The following ZKSCAN1 variants were observed in gnomAD, a reference collection of about 807,000 sequenced individuals.
ZKSCAN1 encodes the protein zinc finger with KRAB and SCAN domains 1.
A neutral mutation model predicts 51.6 loss-of-function variants in ZKSCAN1; 14 were observed. The observed-to-expected ratio is 0.27, with a 90% CI of 0.18 to 0.42. ZKSCAN1 has a LOEUF of 0.42. Among genes scored for constraint, ZKSCAN1 ranks in the 10% least tolerant of loss-of-function variants. The pLI is 1.00. For synonymous variants in ZKSCAN1, 263 were observed against 261.5 expected (o/e 1.01, Z -0.06); for missense variants, 531 against 710.0 (o/e 0.75, Z 2.86).
intron 3 of ZKSCAN1, among the ~76,000 whole-genome samples, chr7:100,027,622 C>T (rs984885749): frequency 2.8e-4 from 42 of 151,314 alleles, no homozygotes; most frequent in Non-Finnish European, 2.1e-4. Context: ...GTGGCGGGTG[C>T]CTGTAGTCCC....
intron 3 of ZKSCAN1, 122 bp from the exon 4 acceptor site, chr7:100,029,739 A>T (rs1263343902): frequency 2.3e-6 from 2 of 863,110 alleles, no homozygotes; most frequent in African/African-American, 3.4e-5. Flanking sequence ...GGAATTCTGT[A>T]TTTGGGACCT....
chr7:100,037,288 AT>A lies in ZKSCAN1; in HGVS notation c.*3092del. The A allele has an allele frequency of 1.0e-6, 1 of 985,446 alleles. No homozygotes were observed. The highest frequency in any genetic ancestry group is 1.2e-6 in the Non-Finnish European group (1 of 829,930). The allele number at this position is 985,446 out of a possible 1,614,324, so 61.0% of individuals were successfully genotyped here. ...GGAAATTTTTGAAGAGTTTTTCAAT[AT>A]ATACCCTACCCTTGCCAGGAAGAGA... is the stretch of plus-strand genomic sequence containing the variant. On this transcript the variant is annotated 3_prime_UTR_variant, in exon 6 of 6. Transcript: ENST00000324306.
rs193106735 is a variant in ZKSCAN1, at chr7:100,037,695, G to A, written c.*3498G>A. 7.1e-6 allele frequency: 7 copies of A among 985,432 alleles called. No homozygotes were observed. The African/African-American group carries it at 8.7e-5, about 12-fold the overall frequency. The allele number at this position is 985,432 out of a possible 1,614,324, so 61.0% of individuals were successfully genotyped here. A position where few individuals can be genotyped will look rare whatever the true frequency, so the allele number is the denominator to read the frequency against. On this transcript the variant is annotated 3_prime_UTR_variant, in exon 6 of 6. Coordinates refer to ENST00000324306, the MANE Select transcript of ZKSCAN1 (RefSeq NM_003439.4). Reference sequence around the variant, plus strand: ...TGAATTCCGTCGGTATGTTCCAATCGTGATGAATTTGAGAAACATTGCAAG... The same window carrying A: ...TGAATTCCGTCGGTATGTTCCAATCATGATGAATTTGAGAAACATTGCAAG...
rs1187160991 is a variant in ZKSCAN1 at position 100,030,236 on chromosome 7, C to T, written c.673-13C>T. On this transcript the variant is annotated splice_polypyrimidine_tract_variant and intron_variant, in intron 4 of 5. Transcript: ENST00000324306. ...TTTGGGGGGAAATGACTGTTTGTCT[C>T]GTGTTATTTTAGGCAATGGTGAAGA... 7 of 1,611,714 alleles carry T rather than the reference C, an allele frequency of 4.3e-6. No individual in the cohort carries two copies. The highest frequency in any genetic ancestry group is 4.0e-5 in the African/African-American group (3 of 74,868).
At chr7:100,032,824 T>C (rs1297209251) in intron 5 of ZKSCAN1, among the ~76,000 whole-genome samples, 2 of 151,874 alleles carry the variant, frequency 1.3e-5, no homozygotes, top group East Asian at 1.9e-4. Flanking sequence ...CTGGCTAACA[T>C]GGTGAAACCC....
intron 1 of ZKSCAN1, 81 bp from the exon 2 acceptor site, chr7:100,023,338 G>A (rs1450919061): frequency 2.7e-6 from 2 of 732,408 alleles, no homozygotes; most frequent in African/African-American, 1.8e-5. Context: ...GTGCCTCGAT[G>A]TGCTGCCTCC....
rs560785990 is a variant in ZKSCAN1, at chr7:100,037,893, G to A, written c.*3696G>A. 1.7e-5 allele frequency: 11 copies of A among 655,474 alleles called. No homozygotes were observed. Among genetic ancestry groups the A allele is most frequent in the East Asian group, 1.4e-4 (1 of 7,238 alleles). 40.6% of individuals were successfully genotyped at this position (655,474 alleles called of 1,614,324 possible). On this transcript the variant is annotated 3_prime_UTR_variant, in exon 6 of 6. Transcript: ENST00000324306. ...AAATTAGCTGGGCACAGTGGCGCAC[G>A]CCTGTAGTCCCAGCTACTCGGGAGG...
At chr7:100,042,858 C>T (rs1314113287), downstream of ZKSCAN1, among the ~76,000 whole-genome samples, 1 of 146,678 alleles carries the variant, frequency 6.8e-6, no homozygotes, top group Non-Finnish European at 1.5e-5. Flanking sequence ...CGTGCAGTGG[C>T]GCCATCTCGG....
downstream of ZKSCAN1, among the ~76,000 whole-genome samples, chr7:100,043,920 G>A (rs1366967101): frequency 1.3e-5 from 2 of 151,592 alleles, no homozygotes; most frequent in Non-Finnish European, 2.9e-5. Context: ...GGGACTACAG[G>A]TGCACACCAC....
At chr7:100,028,664 G>T (rs749071137) in intron 3 of ZKSCAN1, among the ~76,000 whole-genome samples, 3 of 151,960 alleles carry the variant, frequency 2.0e-5, no homozygotes, top group Non-Finnish European at 2.9e-5. Context: ...GGGTTAAATT[G>T]CACAATTTAA....
chr7:100,025,457 A>T (rs758910517), intron 3 of ZKSCAN1, among the ~76,000 whole-genome samples: 1 of 152,232 alleles, frequency 6.6e-6, no homozygotes, highest in Non-Finnish European at 1.5e-5. Context: ...ATATAAATAA[A>T]AAGTCATGTT....
chr7:100,030,426 G>A, intron 5 of ZKSCAN1, 51 bp downstream of exon 5: 1 of 1,574,228 alleles, frequency 6.4e-7, no homozygotes, highest in Non-Finnish European at 8.6e-7. Context: ...GTCTCTCTGT[G>A]TGTTAGCTGT....
In ZKSCAN1 at chr7:100,036,910, G is replaced by A. The variant is rs890362890; in HGVS notation, c.*2713G>A. 1 of 984,562 alleles carries A rather than the reference G, an allele frequency of 1.0e-6. No homozygotes were observed. Among genetic ancestry groups the A allele is most frequent in the Non-Finnish European group, 1.2e-6 (1 of 829,796 alleles). 61.0% of individuals were successfully genotyped at this position (984,562 alleles called of 1,614,324 possible). A position where few individuals can be genotyped will look rare whatever the true frequency, so the allele number is the denominator to read the frequency against. On this transcript the variant is annotated 3_prime_UTR_variant, in exon 6 of 6. Coordinates refer to ENST00000324306, the MANE Select transcript of ZKSCAN1 (RefSeq NM_003439.4). ...CTTTTGAGTTTTGTTTTTAAATGAA[G>A]GTTAAATGTGACCTGTGCCCTCACA...
At chr7:100,030,136 T>C (rs1409302234) in intron 4 of ZKSCAN1, 113 bp from the exon 5 acceptor site, 5 of 1,516,188 alleles carry the variant, frequency 3.3e-6, no homozygotes, top group Non-Finnish European at 3.6e-6. Flanking sequence ...GCCACCCTTT[T>C]CTTCCCAGCG....
chr7:100,039,149 TA>T lies in ZKSCAN1; in HGVS notation c.*4957del. On this transcript the variant is annotated 3_prime_UTR_variant, in exon 6 of 6. Transcript: ENST00000324306. ...CAACGTGGTGAAAGCCTGTCTCTAC[TA>T]AAAATACAAAAATTAGCCGGGCGTG... 1.0e-5 allele frequency: 2 copies of T among 198,464 alleles called. No homozygotes were observed. The highest frequency in any genetic ancestry group is 1.7e-5 in the Non-Finnish European group (2 of 118,026). 12.3% of individuals were successfully genotyped at this position (198,464 alleles called of 1,614,324 possible).
chr7:100,024,121 A>T, intron 2 of ZKSCAN1, 33 bp from the exon 3 acceptor site: 2 of 1,583,008 alleles, frequency 1.3e-6, no homozygotes, highest in East Asian at 2.2e-5. Context: ...TTACAAAGTG[A>T]TTTACCCACA....
At chr7:100,020,964 TTTG>T (rs546368614) in intron 1 of ZKSCAN1, among the ~76,000 whole-genome samples, 144 of 152,268 alleles carry the variant, frequency 9.5e-4, no homozygotes, top group Middle Eastern at 3.4e-3. Flanking sequence ...ATGCTGAATT[TTTG>T]TTGTTGAAAT....
At chr7:100,045,164 T>G (rs956001684), downstream of ZKSCAN1, among the ~76,000 whole-genome samples, 4 of 152,000 alleles carry the variant, frequency 2.6e-5, no homozygotes, top group Admixed American at 2.6e-4. Context: ...TCCCGCTACT[T>G]GGGAGGCTGA....
chr7:100,044,759 T>A (rs1272173713), downstream of ZKSCAN1: 2 of 984,332 alleles, frequency 2.0e-6, no homozygotes, highest in Non-Finnish European at 2.4e-6. Flanking sequence ...CCACTTTCAT[T>A]CTCTTTTCCT....
Sources: allele counts gnomAD v4.1 joint callset (sites outside exome capture counted in the v4.1 genomes callset), GRCh38; gene constraint gnomAD v4.1.1; transcripts MANE v1.5; gene names NCBI Gene and HGNC (gene_info 2026-07-23, HGNC 2026-07-21).